DYM: variants seen among roughly 807,000 people sequenced by gnomAD.
DYM encodes the protein dymeclin, also known as dyggve-Melchior-Clausen syndrome protein.
In DYM, 78 loss-of-function variants were observed where a neutral mutation model predicts 93.1. The observed-to-expected ratio is 0.84, with a 90% CI of 0.70 to 1.01. DYM has a LOEUF of 1.01. Among genes scored for constraint, DYM ranks in the 50% least tolerant of loss-of-function variants. DYM has a pLI of 0.00. For missense variants in DYM, 789 were observed against 845.0 expected, an observed-to-expected ratio of 0.93 and a Z score of 0.82; for synonymous variants, 321 against 319.7, an observed-to-expected ratio of 1.00 and a Z score of -0.04.
At chr18:49,239,312 T>C (rs2093959036) in intron 13 of DYM, among the ~76,000 whole-genome samples, 1 of 152,236 alleles carries the variant, frequency 6.6e-6, no homozygotes, top group Non-Finnish European at 1.5e-5. Context: ...AGCCTGGATA[T>C]TGATCTTAAG....
chr18:49,107,780 CG>C (rs1290226194), intron 16 of DYM, among the ~76,000 whole-genome samples: 5 of 152,096 alleles, frequency 3.3e-5, no homozygotes, highest in Non-Finnish European at 7.4e-5. Flanking sequence ...TTGTCTGAGA[CG>C]AGTACCCGGC....
intron 8 of DYM, among the ~76,000 whole-genome samples, chr18:49,305,834 C>T (rs1490849280): frequency 6.6e-6 from 1 of 152,152 alleles, no homozygotes; most frequent in African/African-American, 2.4e-5. Flanking sequence ...TCCTAATTAG[C>T]TTCCTAAACA....
chr18:49,085,470 G>A (rs1459127495), intron 17 of DYM, among the ~76,000 whole-genome samples: 2 of 152,070 alleles, frequency 1.3e-5, no homozygotes, highest in Non-Finnish European at 2.9e-5. Context: ...AGAACATGCT[G>A]GGAGTGATTT....
chr18:49,073,070 T>C (rs2077017706), intron 17 of DYM, among the ~76,000 whole-genome samples: 1 of 152,144 alleles, frequency 6.6e-6, no homozygotes, highest in Non-Finnish European at 1.5e-5. Context: ...AATGAACACA[T>C]ACGTGGATAA....
chr18:49,326,992 CGTGTGTGTGTGTGTGTGTGTGTGTGTGT>C (rs10584298), intron 8 of DYM, among the ~76,000 whole-genome samples: 9 of 93,312 alleles, frequency 9.6e-5, no homozygotes, highest in Non-Finnish European at 1.7e-4. Context: ...TTTAAAAAAC[CGTGTGTGTGTGTGTGTGTGTGTGTGTGT>C]GTGTGTGTGT....
At chr18:49,148,170 A>G (rs1308619695) in intron 15 of DYM, among the ~76,000 whole-genome samples, 3 of 152,100 alleles carry the variant, frequency 2.0e-5, no homozygotes, top group Non-Finnish European at 2.9e-5. Context: ...AGGAAGGGGA[A>G]CATCACACAC....
chr18:49,140,465 G>C (rs1823179), intron 15 of DYM, among the ~76,000 whole-genome samples: 1 of 152,180 alleles, frequency 6.6e-6, no homozygotes, highest in Non-Finnish European at 1.5e-5. Flanking sequence ...ATGAGGCCAT[G>C]TGGAGCTTCC....
At chr18:49,102,268 T>C (rs2080244280) in intron 16 of DYM, among the ~76,000 whole-genome samples, 1 of 152,240 alleles carries the variant, frequency 6.6e-6, no homozygotes, top group Non-Finnish European at 1.5e-5. Flanking sequence ...TAAATTTCTC[T>C]CTGGGCTTTT....
At chr18:49,447,941 G>T (rs562718611) in intron 1 of DYM, among the ~76,000 whole-genome samples, 5 of 152,148 alleles carry the variant, frequency 3.3e-5, no homozygotes, top group African/African-American at 1.2e-4. Context: ...GGTCTGGAGA[G>T]CACATGGCAT....
At chr18:49,328,836 G>T (rs1040878498) in intron 8 of DYM, among the ~76,000 whole-genome samples, 17 of 152,144 alleles carry the variant, frequency 1.1e-4, no homozygotes, top group African/African-American at 3.6e-4. Flanking sequence ...CTGTTGGTGG[G>T]ACTGTAAACT....
chr18:49,460,071 G>C (rs1456563767), intron 1 of DYM, among the ~76,000 whole-genome samples: 1 of 152,160 alleles, frequency 6.6e-6, no homozygotes, highest in Non-Finnish European at 1.5e-5. Context: ...GTAAAAAGAA[G>C]AAAGAAAAAC....
intron 16 of DYM, among the ~76,000 whole-genome samples, chr18:49,115,322 A>G (rs950237758): frequency 6.6e-6 from 1 of 152,162 alleles, no homozygotes; most frequent in African/African-American, 2.4e-5. Context: ...AAAAAAAAAA[A>G]TCTCTGGTTT....
chr18:49,167,519 A>C (rs777745907), intron 14 of DYM, among the ~76,000 whole-genome samples: 2 of 152,206 alleles, frequency 1.3e-5, no homozygotes, highest in African/African-American at 4.8e-5. Flanking sequence ...AAGTACTTTC[A>C]AAGTTTTATT....
At chr18:49,281,472 T>C (rs1281896062) in intron 10 of DYM, among the ~76,000 whole-genome samples, 1 of 152,214 alleles carries the variant, frequency 6.6e-6, no homozygotes, top group African/African-American at 2.4e-5. Flanking sequence ...CAAAGGATTA[T>C]AAATCATGCT....
chr18:49,210,300 A>G (rs762938300), intron 13 of DYM, among the ~76,000 whole-genome samples: 1 of 152,266 alleles, frequency 6.6e-6, no homozygotes, highest in African/African-American at 2.4e-5. Flanking sequence ...CAAACTTGAA[A>G]GCAACCAAGG....
At chr18:49,100,161 A>G (rs2079989979) in intron 16 of DYM, among the ~76,000 whole-genome samples, 2 of 152,198 alleles carry the variant, frequency 1.3e-5, no homozygotes, top group Non-Finnish European at 2.9e-5. Context: ...TACTATTAGT[A>G]AAACTAAATC....
At chr18:49,238,373 T>C (rs2093935432) in intron 13 of DYM, among the ~76,000 whole-genome samples, 1 of 152,104 alleles carries the variant, frequency 6.6e-6, no homozygotes, top group African/African-American at 2.4e-5. Flanking sequence ...GGTTACTGCC[T>C]CCATAGTGTC....
Position 49,261,602 on chromosome 18 carries a change from GCA to G in DYM, c.1252-3111_1252-3110del, listed in dbSNP as rs200388554. The stretch of plus-strand genomic sequence containing the variant: ...CGCTTGAACTAGGGAGGCAGAGGTT[GCA>G]GTGACTGCACTCCAGCCTGGACGAC... On this transcript the variant is annotated intron_variant, in intron 11 of 17. Transcript: ENST00000675505. Among the ~76,000 whole-genome samples the G allele has an allele frequency of 9.7e-3, 1,481 of 152,262 alleles. 72 individuals carry two copies. The highest frequency in any genetic ancestry group is 0.088 in the Admixed American group (1,342 of 15,286).
rs1039950562 is a variant in DYM at position 49,184,855 on chromosome 18, C to G, written c.1626-21068G>C. On this transcript the variant is annotated intron_variant, in intron 14 of 17. Coordinates refer to ENST00000675505, the MANE Select transcript of DYM (RefSeq NM_001353214.3). Reference sequence around the variant, plus strand: ...AAAACAAAACGAGGATAATGGGGGACCACCGCATATATCTCAGAGGTAAGA... The same window carrying G: ...AAAACAAAACGAGGATAATGGGGGAGCACCGCATATATCTCAGAGGTAAGA... Among the ~76,000 whole-genome samples, 8 of 152,206 alleles carry G rather than the reference C, an allele frequency of 5.3e-5. No homozygotes were observed. In the East Asian group the frequency reaches 1.5e-3, roughly 29 times the overall value.
Sources: gnomAD v4.1 joint callset for allele counts (sites outside exome capture counted in the v4.1 genomes callset) on GRCh38, gnomAD v4.1.1 for gene constraint, MANE v1.5 for transcripts, NCBI Gene and HGNC (gene_info 2026-07-23, HGNC 2026-07-21) for gene names.